Variants in MICAL3 observed in about 807,000 individuals in gnomAD.
The protein encoded by MICAL3 is [F-actin]-monooxygenase MICAL3.
Under a neutral mutation model 207.4 loss-of-function variants are expected in MICAL3, and 62 were observed. The observed-to-expected ratio is 0.30, with a 90% CI of 0.24 to 0.37. The LOEUF is 0.37. Ranked by LOEUF, MICAL3 falls within the 10% of genes least tolerant of loss-of-function variation. The probability of loss-of-function intolerance (pLI) is 1.00; values close to 1 mark genes in which losing one functional copy is unlikely to be tolerated. For synonymous variants in MICAL3, 1,077 were observed against 1,069.3 expected (o/e 1.01, Z -0.14); for missense variants, 2,368 against 2,635.6 (o/e 0.90, Z 2.22).
chr22:17,939,232 T>C (rs569770373), intron 1 of MICAL3, among the ~76,000 whole-genome samples: 16 of 152,184 alleles, frequency 1.1e-4, no homozygotes, highest in Non-Finnish European at 1.8e-4. Flanking sequence ...CCCCTCAACC[T>C]TGGACTTCCC....
intron 20 of MICAL3, chr22:17,840,887 G>A (rs1215079341): frequency 6.6e-6 from 1 of 152,304 alleles, no homozygotes; most frequent in East Asian, 1.9e-4. Context: ...GGAGCGGTCT[G>A]TGAGGCAGCC....
intron 13 of MICAL3, among the ~76,000 whole-genome samples, chr22:17,888,335 T>C (rs1329880868): frequency 6.6e-6 from 1 of 152,120 alleles, no homozygotes; most frequent in Admixed American, 6.6e-5. Flanking sequence ...TAAGGGACAA[T>C]TAATGACAAC....
At chr22:17,966,533 C>T (rs1489289891) in intron 1 of MICAL3, among the ~76,000 whole-genome samples, 1 of 152,170 alleles carries the variant, frequency 6.6e-6, no homozygotes, top group Non-Finnish European at 1.5e-5. Flanking sequence ...AGGGGAAGAA[C>T]CATGACCAAT....
intron 21 of MICAL3, among the ~76,000 whole-genome samples, chr22:17,830,209 C>G (rs896814751): frequency 6.6e-6 from 1 of 152,110 alleles, no homozygotes; most frequent in African/African-American, 2.4e-5. Flanking sequence ...ACAGCGCGAT[C>G]AAGCAGGGAG....
chr22:17,984,383 C>T (rs993798740), intron 1 of MICAL3, among the ~76,000 whole-genome samples: 8 of 152,246 alleles, frequency 5.3e-5, no homozygotes, highest in Admixed American at 2.0e-4. Context: ...AACGCCTCTG[C>T]GAGGAAGGCC....
At chr22:17,794,339 C>A (rs1168536034) in intron 29 of MICAL3, among the ~76,000 whole-genome samples, 9 of 152,252 alleles carry the variant, frequency 5.9e-5, no homozygotes, top group African/African-American at 2.2e-4. Flanking sequence ...CAGGTGACAA[C>A]CTGGGGTCAC....
chr22:17,982,702 T>TAACATAACATAACATAACA (rs1569156721), intron 1 of MICAL3, among the ~76,000 whole-genome samples: 2 of 146,178 alleles, frequency 1.4e-5, no homozygotes, highest in African/African-American at 5.1e-5. Flanking sequence ...TAACATAACA[T>TAACATAACATAACATAACA]AACATAACAT....
chr22:17,871,454 T>C (rs1292249616), intron 17 of MICAL3, among the ~76,000 whole-genome samples: 1 of 152,188 alleles, frequency 6.6e-6, no homozygotes, highest in Non-Finnish European at 1.5e-5. Flanking sequence ...CTTGCTGTCA[T>C]CATCAACCTT....
At chr22:17,919,468 G>A (rs1932746392) in intron 1 of MICAL3, among the ~76,000 whole-genome samples, 2 of 152,210 alleles carry the variant, frequency 1.3e-5, no homozygotes, top group Admixed American at 1.3e-4. Flanking sequence ...AACAGTCCCT[G>A]GACCACAACA....
At chr22:17,823,134 G>A (rs905361496) in intron 22 of MICAL3, 74 bp from the exon 23 acceptor site, 22 of 1,006,430 alleles carry the variant, frequency 2.2e-5, no homozygotes, top group Non-Finnish European at 3.3e-5. Flanking sequence ...ACGGGGGCGA[G>A]AGGTACTGCC....
Position 17,796,302 on chromosome 22 carries a change from G to A in MICAL3, c.5651-5001C>T, listed in dbSNP as rs1023834230. On this transcript the variant is annotated intron_variant, in intron 29 of 31. Transcript: ENST00000441493. The surrounding 1 kb of genome is among the most constrained non-coding windows in gnomAD (Gnocchi z 4.4). ...TAGTGCCACTCGCTTGACACCTGGCGGGCAGGCAGTGCCTGTCACCAAATT... is the reference window on the plus strand; with the variant it reads ...TAGTGCCACTCGCTTGACACCTGGCAGGCAGGCAGTGCCTGTCACCAAATT... Among the ~76,000 whole-genome samples, 11 of 152,306 alleles carry A rather than the reference G, an allele frequency of 7.2e-5. No homozygotes were observed. Among genetic ancestry groups the A allele is most frequent in the East Asian group, 3.9e-4 (2 of 5,180 alleles).
intron 17 of MICAL3, among the ~76,000 whole-genome samples, chr22:17,870,607 C>A (rs1412605076): frequency 2.6e-5 from 4 of 152,186 alleles, no homozygotes; most frequent in Non-Finnish European, 5.9e-5. Context: ...AACTAGAACA[C>A]CCTGAGCATC....
intron 1 of MICAL3, among the ~76,000 whole-genome samples, chr22:18,017,058 A>G (rs1273233448): frequency 6.6e-6 from 1 of 152,226 alleles, no homozygotes; most frequent in Non-Finnish European, 1.5e-5. Flanking sequence ...CTAATTTACC[A>G]CTAACTTTCT....
intron 29 of MICAL3, among the ~76,000 whole-genome samples, chr22:17,805,410 T>C (rs2061979681): frequency 6.6e-6 from 1 of 152,258 alleles, no homozygotes; most frequent in Non-Finnish European, 1.5e-5. Flanking sequence ...AGAAGGAACA[T>C]ATTTGGAAAT....
chr22:17,983,342 C>G (rs965425101), intron 1 of MICAL3: 2 of 152,358 alleles, frequency 1.3e-5, no homozygotes, highest in Non-Finnish European at 2.9e-5. Context: ...TTTTAACAAC[C>G]AAGGGTCTTA....
At chr22:17,937,220 C>T (rs1000448286) in intron 1 of MICAL3, among the ~76,000 whole-genome samples, 3 of 152,226 alleles carry the variant, frequency 2.0e-5, no homozygotes, top group African/African-American at 4.8e-5. Context: ...TCCATCATTA[C>T]TACTTTTAAG....
chr22:17,954,882 C>T (rs558104609), intron 1 of MICAL3, among the ~76,000 whole-genome samples: 1 of 152,070 alleles, frequency 6.6e-6, no homozygotes, highest in Non-Finnish European at 1.5e-5. Flanking sequence ...CACCACCACG[C>T]CCAGCTAATT....
intron 26 of MICAL3, 55 bp downstream of exon 26, chr22:17,817,256 G>GCCCCTCCCGCACCCCTCCCGCA: frequency 3.3e-6 from 5 of 1,500,804 alleles, no homozygotes; most frequent in South Asian, 2.6e-5. Context: ...AGTGACCCCA[G>GCCCCTCCCGCACCCCTCCCGCA]CCCCTCCCGC....
intron 1 of MICAL3, chr22:17,980,987 C>T (rs775445118): frequency 4.2e-6 from 2 of 479,226 alleles, no homozygotes; most frequent in Admixed American, 2.2e-5. Context: ...CCCCTCCAGA[C>T]ACTGTGGACT....
Sources: allele counts gnomAD v4.1 joint callset (sites outside exome capture counted in the v4.1 genomes callset), GRCh38; gene constraint gnomAD v4.1.1; non-coding constraint Gnocchi (gnomAD v3.1); transcripts MANE v1.5; gene names NCBI Gene and HGNC (gene_info 2026-07-23, HGNC 2026-07-21).